EIF4G3: variants seen among roughly 807,000 people sequenced by gnomAD.
EIF4G3 encodes eukaryotic translation initiation factor 4 gamma 3.
A neutral mutation model predicts 186.4 loss-of-function variants in EIF4G3; 34 were observed. The observed-to-expected ratio is 0.18, with a 90% CI of 0.14 to 0.24. The LOEUF (loss-of-function observed/expected upper bound fraction) is 0.24, where lower values mean the gene tolerates loss of function less well. Ranked by LOEUF, EIF4G3 falls within the 10% of genes least tolerant of loss-of-function variation. The pLI is 1.00. For missense variants in EIF4G3, 1,536 were observed against 1,948.5 expected (o/e 0.79, Z 3.99); for synonymous variants, 673 against 679.5 (o/e 0.99, Z 0.15).
chr1:20,903,536 T>C (rs1295305088), intron 15 of EIF4G3, among the ~76,000 whole-genome samples: 1 of 152,210 alleles, frequency 6.6e-6, no homozygotes. Context: ...TTTTATTCTC[T>C]GTAGGAGGAA....
intron 29 of EIF4G3, among the ~76,000 whole-genome samples, chr1:20,844,822 C>T (rs2070189590): frequency 6.6e-6 from 1 of 151,894 alleles, no homozygotes; most frequent in Non-Finnish European, 1.5e-5. Flanking sequence ...ACAAGAGCAA[C>T]ACTCCATCTC....
At chr1:20,878,461 T>A (rs912983094) in intron 20 of EIF4G3, among the ~76,000 whole-genome samples, 1 of 152,240 alleles carries the variant, frequency 6.6e-6, no homozygotes, top group Non-Finnish European at 1.5e-5. Flanking sequence ...TTGGAAATAC[T>A]TATTTTCAAA....
chr1:20,813,353 T>C, intron 34 of EIF4G3, 114 bp from the exon 35 acceptor site: 1 of 586,240 alleles, frequency 1.7e-6, no homozygotes, highest in South Asian at 1.9e-5. Context: ...CACTTGAGGC[T>C]AGGAGTTGAG....
At chr1:21,015,295 G>A (rs563847987) in intron 4 of EIF4G3, among the ~76,000 whole-genome samples, 13 of 152,066 alleles carry the variant, frequency 8.5e-5, no homozygotes, top group African/African-American at 3.1e-4. Context: ...ACACCATCAA[G>A]CAAATCAATA....
chr1:21,083,075 T>TAAAAAAAAAAAAA (rs1553217323), intron 3 of EIF4G3, among the ~76,000 whole-genome samples: 3 of 110,052 alleles, frequency 2.7e-5, no homozygotes, highest in African/African-American at 1.2e-4. Flanking sequence ...AAAAAAAAAG[T>TAAAAAAAAAAAAA]TTAAAAAATT....
chr1:20,918,700 TC>T lies in EIF4G3; in HGVS notation c.1664-13730del, dbSNP rs1380273688. ...AACTTTTAAATATATCCTCCTAGTA[TC>T]TTTTTTTTTTTTTTTTTTTTTTTTT... On this transcript the variant is annotated intron_variant, in intron 14 of 36. Coordinates refer to ENST00000602326, the MANE Select transcript of EIF4G3 (RefSeq NM_001391906.1). Among the ~76,000 whole-genome samples, 35 of 130,540 alleles carry T rather than the reference TC, an allele frequency of 2.7e-4. 1 individual carries two copies. The highest frequency in any genetic ancestry group is 9.8e-4 in the African/African-American group (34 of 34,866). 85.6% of individuals were successfully genotyped at this position (130,540 alleles called of 152,430 possible). A position where few individuals can be genotyped will look rare whatever the true frequency, so the allele number is the denominator to read the frequency against.
chr1:21,171,302 A>G (rs564815328), intron 2 of EIF4G3, among the ~76,000 whole-genome samples: 10 of 152,252 alleles, frequency 6.6e-5, no homozygotes, highest in Non-Finnish European at 1.3e-4. Flanking sequence ...GTCTCACCAC[A>G]GCACCACGGG....
chr1:20,885,448 T>C (rs2083816498), intron 19 of EIF4G3, among the ~76,000 whole-genome samples: 1 of 152,228 alleles, frequency 6.6e-6, no homozygotes, highest in Non-Finnish European at 1.5e-5. Flanking sequence ...AACTTTGAAC[T>C]GCTACACTTA....
chr1:20,986,350 T>C, intron 7 of EIF4G3, among the ~76,000 whole-genome samples: 1 of 152,198 alleles, frequency 6.6e-6, no homozygotes, highest in East Asian at 1.9e-4. Flanking sequence ...AGCATTTAAA[T>C]CCTCTTTATA....
chr1:21,085,542 A>C (rs1353981938), intron 3 of EIF4G3, among the ~76,000 whole-genome samples: 1 of 152,054 alleles, frequency 6.6e-6, no homozygotes, highest in Non-Finnish European at 1.5e-5. Flanking sequence ...CTAAAATTAC[A>C]GGCTCGCACC....
chr1:20,927,204 C>T lies in EIF4G3; in HGVS notation c.1663+14287G>A, dbSNP rs12038142. Among the ~76,000 whole-genome samples the T allele has an allele frequency of 4.0e-3, 606 of 152,162 alleles. 15 individuals are homozygous for T. The East Asian group carries it at 0.092, about 23-fold the overall frequency. On this transcript the variant is annotated intron_variant, in intron 14 of 36. Coordinates refer to ENST00000602326, the MANE Select transcript of EIF4G3 (RefSeq NM_001391906.1). ...GATTACAGGTGCCAGGCACCACACC[C>T]AGCTAACTGAATTGAGCAGGTTCCT...
At chr1:20,815,649 T>TG (rs769275151) in intron 34 of EIF4G3, among the ~76,000 whole-genome samples, 2,687 of 126,884 alleles carry the variant, frequency 0.021, 28 homozygotes, top group South Asian at 0.057. Context: ...GGGAGGGAGG[T>TG]GGGGGGGGGT....
At chr1:21,052,508 G>A (rs932072598) in intron 3 of EIF4G3, among the ~76,000 whole-genome samples, 12 of 151,984 alleles carry the variant, frequency 7.9e-5, no homozygotes, top group African/African-American at 1.9e-4. Context: ...TTGAAATACA[G>A]GTATAAAAAT....
chr1:20,982,444 A>G lies in EIF4G3; in HGVS notation c.178-36T>C, dbSNP rs1490544165. ...GAAGCAAGAAAGCAGCAGGAAACAG[A>G]AAGAAAGCCAATGGAAAAGCTTACA... On this transcript the variant is annotated intron_variant, in intron 7 of 36. Transcript: ENST00000602326. The G allele has an allele frequency of 3.3e-6, 5 of 1,515,844 alleles. No homozygotes were observed. The East Asian group carries it at 1.0e-4, about 31-fold the overall frequency. 93.9% of individuals were successfully genotyped at this position (1,515,844 alleles called of 1,614,324 possible). A position where few individuals can be genotyped will look rare whatever the true frequency, so the allele number is the denominator to read the frequency against.
At chr1:21,101,414 C>A (rs761144591) in intron 2 of EIF4G3, among the ~76,000 whole-genome samples, 1 of 151,634 alleles carries the variant, frequency 6.6e-6, no homozygotes, top group Non-Finnish European at 1.5e-5. Flanking sequence ...CCAAAAAATA[C>A]AAAAGTTAGC....
intron 32 of EIF4G3, 119 bp from the exon 33 acceptor site, chr1:20,825,317 C>CA (rs2063347210): frequency 2.7e-6 from 2 of 732,618 alleles, no homozygotes; most frequent in Non-Finnish European, 4.3e-6. Flanking sequence ...GCTGAAAAAT[C>CA]AAAACGTTTC....
At position 20,910,457 on chromosome 1, in the gene EIF4G3, C is replaced by G. The variant is rs532927370; in HGVS notation, c.1664-5486G>C. Among the ~76,000 whole-genome samples the G allele has an allele frequency of 2.0e-5, 3 of 151,902 alleles. No individual in the cohort carries two copies. The South Asian group carries it at 6.2e-4, about 32-fold the overall frequency. On this transcript the variant is annotated intron_variant, in intron 14 of 36. Coordinates refer to ENST00000602326, the MANE Select transcript of EIF4G3 (RefSeq NM_001391906.1). ...AAATTAGCCAGGCGTGGTGGCAGGC[C>G]CCCGTAATCCCAGCTACTCAGGAGG... is the stretch of plus-strand genomic sequence containing the variant.
intron 29 of EIF4G3, among the ~76,000 whole-genome samples, chr1:20,846,471 T>G (rs1269199714): frequency 6.6e-6 from 1 of 152,202 alleles, no homozygotes; most frequent in Non-Finnish European, 1.5e-5. Flanking sequence ...GTCTTTGAGC[T>G]TTTAGTTGAA....
intron 29 of EIF4G3, among the ~76,000 whole-genome samples, chr1:20,846,969 G>A (rs1349992755): frequency 6.6e-6 from 1 of 152,120 alleles, no homozygotes; most frequent in East Asian, 1.9e-4. Flanking sequence ...GCACCTAATA[G>A]GAAGATATTT....
Sources: allele counts gnomAD v4.1 joint callset (sites outside exome capture counted in the v4.1 genomes callset), GRCh38; gene constraint gnomAD v4.1.1; transcripts MANE v1.5; gene names NCBI Gene and HGNC (gene_info 2026-07-23, HGNC 2026-07-21).